Variants in DYNC1I1 observed in about 807,000 individuals in gnomAD.
The protein encoded by DYNC1I1 is dynein cytoplasmic 1 intermediate chain 1.
Under a neutral mutation model 86.6 loss-of-function variants are expected in DYNC1I1, and 43 were observed. That is an observed-to-expected ratio of 0.50 (90% CI 0.39 to 0.64). The LOEUF (loss-of-function observed/expected upper bound fraction) is 0.64. DYNC1I1 is among the 30% of genes least tolerant of loss of function. The probability of loss-of-function intolerance (pLI) is 0.00; values close to 1 mark genes in which losing one functional copy is unlikely to be tolerated. For synonymous variants in DYNC1I1, 262 were observed against 283.7 expected (o/e 0.92, Z 0.77); for missense variants, 604 against 788.8 (o/e 0.77, Z 2.81).
intron 5 of DYNC1I1, among the ~76,000 whole-genome samples, chr7:95,849,950 C>T (rs2116060938): frequency 6.6e-6 from 1 of 152,024 alleles, no homozygotes; most frequent in African/African-American, 2.4e-5. Context: ...TAGATTTATT[C>T]CTAAGTGCTG....
chr7:95,853,391 G>A (rs1023518754), intron 5 of DYNC1I1, among the ~76,000 whole-genome samples: 3 of 152,084 alleles, frequency 2.0e-5, no homozygotes, highest in Non-Finnish European at 4.4e-5. Flanking sequence ...TCTACCAGGG[G>A]ATGACATGGC....
At chr7:95,844,677 G>A (rs1789379549) in intron 5 of DYNC1I1, among the ~76,000 whole-genome samples, 1 of 152,034 alleles carries the variant, frequency 6.6e-6, no homozygotes, top group East Asian at 1.9e-4. Flanking sequence ...CAACCACTGA[G>A]TCTGTTTTCT....
chr7:95,794,787 T>C (rs1174968076), intron 1 of DYNC1I1, among the ~76,000 whole-genome samples: 1 of 152,206 alleles, frequency 6.6e-6, no homozygotes, highest in Non-Finnish European at 1.5e-5. Flanking sequence ...CAGTCTTAAA[T>C]ACATGTCACA....
intron 3 of DYNC1I1, among the ~76,000 whole-genome samples, chr7:95,812,546 C>A (rs950727212): frequency 6.6e-6 from 1 of 152,158 alleles, no homozygotes; most frequent in African/African-American, 2.4e-5. Context: ...TCTAGAGCTG[C>A]TGGAGGCAAG....
intron 6 of DYNC1I1, among the ~76,000 whole-genome samples, chr7:95,881,535 A>C (rs1207484386): frequency 6.6e-6 from 1 of 152,216 alleles, no homozygotes; most frequent in Non-Finnish European, 1.5e-5. Flanking sequence ...GCCTAAAGGA[A>C]GGTAGTTCTT....
intron 16 of DYNC1I1, among the ~76,000 whole-genome samples, chr7:96,086,275 G>A (rs1424327311): frequency 6.6e-6 from 1 of 152,188 alleles, no homozygotes; most frequent in East Asian, 1.9e-4. Context: ...TTTGAAAGAA[G>A]CAGTTTATCT....
At chr7:95,887,029 C>G (rs532169822) in intron 6 of DYNC1I1, among the ~76,000 whole-genome samples, 1 of 152,190 alleles carries the variant, frequency 6.6e-6, no homozygotes, top group Non-Finnish European at 1.5e-5. Context: ...GGATTCTTGG[C>G]TAAGTGCAGG....
At chr7:95,782,946 T>C (rs11763138) in intron 1 of DYNC1I1, among the ~76,000 whole-genome samples, 28,430 of 152,080 alleles carry the variant, frequency 0.19, 2,720 homozygotes, top group African/African-American at 0.21. Context: ...CTGGTGCTCC[T>C]CTCTGCCACT....
Position 95,842,723 on chromosome 7 carries a change from A to G in DYNC1I1, c.374+14607A>G, listed in dbSNP as rs568238229. On this transcript the variant is annotated intron_variant, in intron 5 of 16. Coordinates refer to ENST00000447467, the MANE Select transcript of DYNC1I1 (RefSeq NM_001135556.2). ...ATTTTCTCAGCCATCCGACATACAG[A>G]AATCTCTCCACTAGTTTCTGTATTT... Among the ~76,000 whole-genome samples the G allele has an allele frequency of 1.8e-4, 28 of 152,286 alleles. 1 individual carries two copies. In the South Asian group the frequency reaches 5.0e-3, roughly 27 times the overall value.
At chr7:95,966,976 A>T (rs570692448) in intron 6 of DYNC1I1, among the ~76,000 whole-genome samples, 1 of 152,210 alleles carries the variant, frequency 6.6e-6, no homozygotes, top group African/African-American at 2.4e-5. Context: ...GAGGAGATTC[A>T]TGATCCAACT....
At chr7:96,055,081 G>A (rs962975446) in intron 14 of DYNC1I1, among the ~76,000 whole-genome samples, 1 of 152,124 alleles carries the variant, frequency 6.6e-6, no homozygotes, top group African/African-American at 2.4e-5. Context: ...TTTTCCTCTA[G>A]GGTTTTTATG....
At chr7:95,793,838 A>T (rs969235624) in intron 1 of DYNC1I1, among the ~76,000 whole-genome samples, 1 of 152,176 alleles carries the variant, frequency 6.6e-6, no homozygotes, top group Non-Finnish European at 1.5e-5. Flanking sequence ...TATGTGCCCA[A>T]TGTGATGCTG....
chr7:95,985,054 G>A, intron 8 of DYNC1I1, 77 bp downstream of exon 8: 1 of 1,557,302 alleles, frequency 6.4e-7, no homozygotes, highest in Non-Finnish European at 8.6e-7. Flanking sequence ...TTCTGACTAG[G>A]AAAATTCCAA....
intron 14 of DYNC1I1, among the ~76,000 whole-genome samples, chr7:96,061,243 G>A (rs546010677): frequency 6.6e-6 from 1 of 152,272 alleles, no homozygotes; most frequent in South Asian, 2.1e-4. Flanking sequence ...ATTTCAGCAC[G>A]AATCTGCCCA....
At position 95,837,563 on chromosome 7, in the gene DYNC1I1, C is replaced by T. The variant is rs1341717479; in HGVS notation, c.374+9447C>T. The T allele has an allele frequency of 1.9e-5, 3 of 154,096 alleles. No homozygotes were observed. The East Asian group carries it at 5.7e-4, about 29-fold the overall frequency. The allele number at this position is 154,096 out of a possible 1,614,324, so 9.5% of individuals were successfully genotyped here. Reference sequence around the variant, plus strand: ...TGGGCAATGGCGGGCGCCCCTCCCCCAGCCTCGCTGCCACCTTGCAGTTTG... The same window carrying T: ...TGGGCAATGGCGGGCGCCCCTCCCCTAGCCTCGCTGCCACCTTGCAGTTTG... On this transcript the variant is annotated intron_variant, in intron 5 of 16. Transcript: ENST00000447467.
At chr7:95,849,126 C>A (rs1789512852) in intron 5 of DYNC1I1, among the ~76,000 whole-genome samples, 2 of 151,952 alleles carry the variant, frequency 1.3e-5, no homozygotes, top group African/African-American at 4.8e-5. Context: ...GGATATTATC[C>A]CTTAATCAGA....
At chr7:95,975,791 C>T (rs896364592) in intron 6 of DYNC1I1, among the ~76,000 whole-genome samples, 1 of 152,112 alleles carries the variant, frequency 6.6e-6, no homozygotes, top group Non-Finnish European at 1.5e-5. Flanking sequence ...AGAAATAAAG[C>T]CACTTACCAA....
chr7:96,009,723 T>C (rs1794226865), intron 10 of DYNC1I1, among the ~76,000 whole-genome samples: 1 of 152,146 alleles, frequency 6.6e-6, no homozygotes, highest in Non-Finnish European at 1.5e-5. Context: ...ACCACCTGTT[T>C]AATTATATTT....
intron 6 of DYNC1I1, among the ~76,000 whole-genome samples, chr7:95,940,371 T>C (rs1792173783): frequency 6.6e-6 from 1 of 152,182 alleles, no homozygotes. Context: ...GAAGTTCTCC[T>C]GGATAATATC....
Sources: allele counts gnomAD v4.1 joint callset (sites outside exome capture counted in the v4.1 genomes callset), GRCh38; gene constraint gnomAD v4.1.1; transcripts MANE v1.5; gene names NCBI Gene and HGNC (gene_info 2026-07-23, HGNC 2026-07-21).